Variants in SEM1 observed in about 807,000 individuals in gnomAD.
The protein encoded by SEM1 is 26S proteasome complex subunit SEM1.
In SEM1, 3 loss-of-function variants were observed where a neutral mutation model predicts 12.7. The ratio of observed to expected loss-of-function variants is 0.24; its 90% CI spans 0.11 to 0.61. The LOEUF (loss-of-function observed/expected upper bound fraction) is 0.61. Ranked by LOEUF, SEM1 falls within the 20% of genes least tolerant of loss-of-function variation. The pLI is 0.88. For synonymous variants in SEM1, 30 were observed against 27.8 expected, an observed-to-expected ratio of 1.08 and a Z score of -0.25; for missense variants, 59 against 81.3, an observed-to-expected ratio of 0.73 and a Z score of 1.06.
downstream of SEM1, chr7:96,672,486 C>A (rs1221965132): frequency 6.6e-6 from 1 of 152,150 alleles, no homozygotes; most frequent in Non-Finnish European, 1.5e-5. Flanking sequence ...CCATCACTTC[C>A]TGGATGGTGT....
chr7:96,674,879 T>C (rs541632300), intron 2 of SEM1, among the ~76,000 whole-genome samples: 1 of 152,162 alleles, frequency 6.6e-6, no homozygotes, highest in Admixed American at 6.5e-5. Flanking sequence ...ACAAACGGAA[T>C]CCCTGTTATG....
intron 2 of SEM1, among the ~76,000 whole-genome samples, chr7:96,514,573 G>A (rs187933587): frequency 1.3e-5 from 2 of 152,236 alleles, no homozygotes; most frequent in East Asian, 3.9e-4. Context: ...GTTGCAGGAT[G>A]TGAGGTTAAT....
In SEM1 at chr7:96,522,880, A is replaced by T. The variant is rs181090075; in HGVS notation, c.171-16182T>A. Among the ~76,000 whole-genome samples, 450 of 140,534 alleles carry T rather than the reference A, an allele frequency of 3.2e-3. 1 individual carries two copies. The highest frequency in any genetic ancestry group is 0.011 in the African/African-American group (405 of 37,630). 92.2% of individuals were successfully genotyped at this position (140,534 alleles called of 152,430 possible). A position where few individuals can be genotyped will look rare whatever the true frequency, so the allele number is the denominator to read the frequency against. On this transcript the variant is annotated intron_variant and NMD_transcript_variant, in intron 2 of 3. Coordinates refer to the SEM1 transcript ENST00000466986. ...CACTCCAGCCTGGGCAACAAGAGTG[A>T]AACTCCATCTCAAAAAAAAAAAAAA...
At chr7:96,705,359 C>CA (rs34525327) in intron 1 of SEM1, among the ~76,000 whole-genome samples, 41,364 of 141,940 alleles carry the variant, frequency 0.29, 6,901 homozygotes, top group East Asian at 0.65. Flanking sequence ...GCTTCTCTCT[C>CA]AAAAAAAAAA....
intron 2 of SEM1, among the ~76,000 whole-genome samples, chr7:96,665,507 CTATT>C (rs968662337): frequency 3.3e-5 from 5 of 152,138 alleles, no homozygotes; most frequent in Admixed American, 3.3e-4. Context: ...AGTTAGTTCT[CTATT>C]TATAAATAGA....
intron 1 of SEM1, among the ~76,000 whole-genome samples, chr7:96,493,309 AT>A (rs1210115716): frequency 6.6e-6 from 1 of 152,034 alleles, no homozygotes; most frequent in African/African-American, 2.4e-5. Flanking sequence ...ATAATCTCAA[AT>A]ACATTTTACA....
chr7:96,607,657 C>A (rs912278004), intron 2 of SEM1, among the ~76,000 whole-genome samples: 1 of 152,154 alleles, frequency 6.6e-6, no homozygotes, highest in African/African-American at 2.4e-5. Context: ...CCCCAGCTGC[C>A]CACAATTGGG....
At chr7:96,592,445 C>T (rs1384387554) in intron 2 of SEM1, among the ~76,000 whole-genome samples, 2 of 151,832 alleles carry the variant, frequency 1.3e-5, no homozygotes, top group Non-Finnish European at 2.9e-5. Flanking sequence ...ACATCGCTCA[C>T]TTTAAGCACA....
intron 2 of SEM1, among the ~76,000 whole-genome samples, chr7:96,660,764 C>T (rs927536716): frequency 1.3e-5 from 2 of 151,998 alleles, no homozygotes; most frequent in Non-Finnish European, 2.9e-5. Context: ...CTGAAGAATA[C>T]ACATTATTTA....
intron 2 of SEM1, among the ~76,000 whole-genome samples, chr7:96,565,561 A>G (rs1415919759): frequency 3.9e-5 from 6 of 151,944 alleles, no homozygotes; most frequent in African/African-American, 1.4e-4. Flanking sequence ...TGAGTCCCTT[A>G]GTTCACTGCA....
chr7:96,636,425 A>G (rs1808427878), intron 2 of SEM1, among the ~76,000 whole-genome samples: 1 of 152,044 alleles, frequency 6.6e-6, no homozygotes, highest in South Asian at 2.1e-4. Flanking sequence ...TCTGTGGGAG[A>G]AATCCACAGG....
intron 2 of SEM1, among the ~76,000 whole-genome samples, chr7:96,588,743 G>GT (rs1197201851): frequency 6.6e-6 from 1 of 152,100 alleles, no homozygotes; most frequent in Non-Finnish European, 1.5e-5. Context: ...TCCAGCTTGG[G>GT]TGACAGAGCA....
chr7:96,668,376 T>C (rs1418569010), intron 2 of SEM1, among the ~76,000 whole-genome samples: 1 of 152,092 alleles, frequency 6.6e-6, no homozygotes, highest in Non-Finnish European at 1.5e-5. Context: ...ACAATTGAAA[T>C]AGAACAAATA....
At chr7:96,627,484 A>G (rs1054125658) in intron 2 of SEM1, among the ~76,000 whole-genome samples, 1 of 151,928 alleles carries the variant, frequency 6.6e-6, no homozygotes, top group Non-Finnish European at 1.5e-5. Context: ...CATTTGTTTC[A>G]AGAAGATTTT....
At chr7:96,635,955 C>A (rs1307992022) in intron 2 of SEM1, among the ~76,000 whole-genome samples, 1 of 151,958 alleles carries the variant, frequency 6.6e-6, no homozygotes, top group African/African-American at 2.4e-5. Flanking sequence ...GATAAGAAAT[C>A]TGTCTCTAAC....
chr7:96,676,628 G>T (rs1789455532), intron 2 of SEM1, among the ~76,000 whole-genome samples: 1 of 152,182 alleles, frequency 6.6e-6, no homozygotes, highest in African/African-American at 2.4e-5. Context: ...TTTATTGAGA[G>T]ATATCACGGA....
chr7:96,686,122 C>T (rs1789754390), downstream of SEM1, among the ~76,000 whole-genome samples: 1 of 152,090 alleles, frequency 6.6e-6, no homozygotes, highest in African/African-American at 2.4e-5. Context: ...AAATTGTTTA[C>T]AATAAACAGG....
intron 2 of SEM1, among the ~76,000 whole-genome samples, chr7:96,579,778 A>G (rs1311620835): frequency 1.3e-5 from 2 of 152,160 alleles, no homozygotes; most frequent in South Asian, 2.1e-4. Flanking sequence ...AATTAGAACT[A>G]TATACACCCT....
At chr7:96,697,989 A>G (rs1790152091) in intron 1 of SEM1, among the ~76,000 whole-genome samples, 1 of 152,140 alleles carries the variant, frequency 6.6e-6, no homozygotes, top group Non-Finnish European at 1.5e-5. Flanking sequence ...TTGCTACTAT[A>G]TTTTCTCTAA....
Sources: gnomAD v4.1 joint callset for allele counts (sites outside exome capture counted in the v4.1 genomes callset) on GRCh38, gnomAD v4.1.1 for gene constraint, MANE v1.5 for transcripts, NCBI Gene and HGNC (gene_info 2026-07-23, HGNC 2026-07-21) for gene names.